The following UNKL variants were observed in gnomAD, a reference collection of about 807,000 sequenced individuals.
UNKL encodes putative E3 ubiquitin-protein ligase UNKL.
In UNKL, 60 loss-of-function variants were observed where a neutral mutation model predicts 78.0. That is an observed-to-expected ratio of 0.77 (90% CI 0.63 to 0.95). UNKL has a LOEUF of 0.95. Ranked by LOEUF, UNKL falls within the 40% of genes least tolerant of loss-of-function variation. The pLI, the probability that UNKL is intolerant of heterozygous loss-of-function variation, is 0.00. For synonymous variants in UNKL, 608 were observed against 474.8 expected (o/e 1.28, Z -3.65); for missense variants, 1,159 against 1,045.7 (o/e 1.11, Z -1.49).
At chr16:1,390,475 G>A (rs959562638) in intron 9 of UNKL, among the ~76,000 whole-genome samples, 157 bp downstream of exon 9, 3 of 152,186 alleles carry the variant, frequency 2.0e-5, no homozygotes, top group African/African-American at 7.2e-5. Flanking sequence ...TACAACAAGC[G>A]GACGTCAACC....
intron 6 of UNKL, among the ~76,000 whole-genome samples, chr16:1,396,244 A>G (rs1395774584): frequency 6.8e-6 from 1 of 147,060 alleles, no homozygotes; most frequent in African/African-American, 2.5e-5. Context: ...CCTGGCCTGA[A>G]CATGTGTTTT....
At position 1,365,552 on chromosome 16, in the gene UNKL, T is replaced by TA. The variant is rs1491110577; in HGVS notation, c.*687dup. 6.6e-6 allele frequency: 1 copy of TA among 152,582 alleles called. No homozygotes were observed. The highest frequency in any genetic ancestry group is 1.9e-4 in the East Asian group (1 of 5,192). 9.5% of individuals were successfully genotyped at this position (152,582 alleles called of 1,614,324 possible). ...GGTGCACACACAGGCTCAGGAAAAC[T>TA]AGCTCCTTCCATCAAGTTAAAAACA... On this transcript the variant is annotated 3_prime_UTR_variant, in exon 15 of 15. Transcript: ENST00000389221.
intron 12 of UNKL, chr16:1,368,327 G>C (rs1464186521): frequency 6.3e-6 from 1 of 158,190 alleles, no homozygotes; most frequent in African/African-American, 2.4e-5. Context: ...AACAGGCCGG[G>C]CGCGGTGGCT....
intron 3 of UNKL, among the ~76,000 whole-genome samples, chr16:1,402,525 T>C (rs556694263): frequency 6.6e-6 from 1 of 152,036 alleles, no homozygotes; most frequent in Admixed American, 6.6e-5. Context: ...AACCCAGGCA[T>C]GGTGGTGTGC....
At chr16:1,371,487 G>A (rs1391932090) in intron 11 of UNKL, 32 bp downstream of exon 11, 2 of 1,532,690 alleles carry the variant, frequency 1.3e-6, no homozygotes, top group Non-Finnish European at 1.7e-6. Context: ...AGCGGCTGGA[G>A]GAGCAGGGCC....
rs1178511919 is a variant in UNKL, at chr16:1,367,733, C to A, written c.1711G>T (p.Ala571Ser). Residue 571 changes from alanine to serine, a missense_variant, in exon 13 of 15, where the codon GCC (alanine) becomes TCC (serine). Ala to Ser is a moderately conservative substitution (Grantham distance 99). Transcript: ENST00000389221. Reference sequence around the variant, plus strand: ...TCGTCCAGCTGCCGCCTGACCCGGGCCAGCTCAGCTCCGTTTGGACTTGCA... The same window carrying A: ...TCGTCCAGCTGCCGCCTGACCCGGGACAGCTCAGCTCCGTTTGGACTTGCA... ...SSASPNGAELARVRRQLDEAK... is the reference protein window; with the variant it reads ...SSASPNGAELSRVRRQLDEAK... 6.3e-7 allele frequency: 1 copy of A among 1,578,760 alleles called. No individual in the cohort carries two copies. Among genetic ancestry groups the A allele is most frequent in the Non-Finnish European group, 8.6e-7 (1 of 1,163,146 alleles).
chr16:1,374,511 C>T (rs528348895), intron 10 of UNKL, among the ~76,000 whole-genome samples: 1 of 152,312 alleles, frequency 6.6e-6, no homozygotes, highest in Non-Finnish European at 1.5e-5. Flanking sequence ...TCAGACCCGA[C>T]CGTGGGGGTC....
chr16:1,398,826 A>G (rs933400025), intron 5 of UNKL: 2 of 1,558,742 alleles, frequency 1.3e-6, no homozygotes, highest in East Asian at 2.4e-5. Flanking sequence ...AGCCAGACCC[A>G]GGGGACAGCT....
chr16:1,409,618 G>A (rs1184219928), intron 2 of UNKL, among the ~76,000 whole-genome samples: 2 of 152,094 alleles, frequency 1.3e-5, no homozygotes, highest in Non-Finnish European at 1.5e-5. Flanking sequence ...TCAGACAGCA[G>A]GCTAATATTT....
At chr16:1,378,503 G>T (rs2036407468) in intron 10 of UNKL, among the ~76,000 whole-genome samples, 1 of 152,182 alleles carries the variant, frequency 6.6e-6, no homozygotes, top group African/African-American at 2.4e-5. Flanking sequence ...CCCTTGGAGT[G>T]GGGTGATCCC....
chr16:1,401,428 T>C (rs558571099), intron 4 of UNKL, 140 bp downstream of exon 4: 6 of 1,159,062 alleles, frequency 5.2e-6, no homozygotes, highest in African/African-American at 4.8e-5. Context: ...GGGCTTGGTA[T>C]TGGACTCCAC....
intron 9 of UNKL, among the ~76,000 whole-genome samples, chr16:1,386,391 A>G (rs2142097163): frequency 1.3e-5 from 2 of 152,232 alleles, no homozygotes; most frequent in East Asian, 3.9e-4. Context: ...CATCTCTACT[A>G]AAAATACAAA....
rs752935187 is a variant in UNKL at position 1,367,199 on chromosome 16, A to G, written c.1939T>C (p.Ser647Pro). The G allele has an allele frequency of 6.2e-7, 1 of 1,605,862 alleles. No individual in the cohort carries two copies. The highest frequency in any genetic ancestry group is 8.5e-7 in the Non-Finnish European group (1 of 1,178,282). ...QEELEGLGVA[S>P]TLPGLRGCGD... Reference sequence around the variant, plus strand: ...CAGCCCCGCAGCCCCGGCAGTGTGGAGGCTACGCCCAGGCCCTCCAGCTCC... The same window carrying G: ...CAGCCCCGCAGCCCCGGCAGTGTGGGGGCTACGCCCAGGCCCTCCAGCTCC... Residue 647 changes from serine to proline, a missense_variant, in exon 14 of 15, where the codon TCC becomes CCC. Ser to Pro is a moderately conservative substitution (Grantham distance 74). Coordinates refer to ENST00000389221, the MANE Select transcript of UNKL (RefSeq NM_001372107.1).
intron 5 of UNKL, chr16:1,398,910 T>G: frequency 6.4e-7 from 1 of 1,567,814 alleles, no homozygotes; most frequent in Non-Finnish European, 8.6e-7. Flanking sequence ...GCCCTGGGAC[T>G]CAGCCTAAGG....
chr16:1,391,190 CACACAAT>C (rs916577264), intron 8 of UNKL, among the ~76,000 whole-genome samples: 1 of 118,456 alleles, frequency 8.4e-6, no homozygotes, highest in African/African-American at 3.1e-5. Context: ...CACACACACA[CACACAAT>C]ATATATGTAC....
intron 2 of UNKL, among the ~76,000 whole-genome samples, chr16:1,406,261 G>A (rs548621690): frequency 4.4e-4 from 66 of 150,532 alleles, no homozygotes; most frequent in African/African-American, 1.5e-3. Flanking sequence ...TGCCCAGGCC[G>A]GAGTGCAGTG....
chr16:1,405,700 G>A (rs2037726178), intron 2 of UNKL, among the ~76,000 whole-genome samples: 1 of 151,918 alleles, frequency 6.6e-6, no homozygotes, highest in Non-Finnish European at 1.5e-5. Context: ...CCAAGGAGGG[G>A]ACGCACGAGC....
chr16:1,406,850 A>T (rs188272651), intron 2 of UNKL, among the ~76,000 whole-genome samples: 44 of 152,122 alleles, frequency 2.9e-4, no homozygotes, highest in Admixed American at 9.8e-4. Context: ...GAAAGATCAG[A>T]CTCCTGGCCG....
intron 10 of UNKL, chr16:1,383,603 G>C (rs867506217): frequency 1.1e-5 from 4 of 378,098 alleles, no homozygotes; most frequent in South Asian, 7.4e-5. Context: ...CTCTCTCCTC[G>C]GCCTCCTTGG....
Sources: gnomAD v4.1 joint callset for allele counts (sites outside exome capture counted in the v4.1 genomes callset) on GRCh38, gnomAD v4.1.1 for gene constraint, MANE v1.5 for transcripts, NCBI Gene and HGNC (gene_info 2026-07-23, HGNC 2026-07-21) for gene names.